Variants in HMGCLL1 observed in about 807,000 individuals in gnomAD.
HMGCLL1 encodes 3-hydroxymethyl-3-methylglutaryl-CoA lyase, cytoplasmic.
In HMGCLL1, 36 loss-of-function variants were observed where a neutral mutation model predicts 39.1. The observed-to-expected ratio is 0.92, with a 90% CI of 0.71 to 1.22. The LOEUF (loss-of-function observed/expected upper bound fraction) is 1.22, where lower values mean the gene tolerates loss of function less well. HMGCLL1 is among the 50% of genes most tolerant of loss of function. The pLI is 0.00. For synonymous variants in HMGCLL1, 149 were observed against 144.0 expected, an observed-to-expected ratio of 1.03 and a Z score of -0.25; for missense variants, 451 against 416.5, an observed-to-expected ratio of 1.08 and a Z score of -0.72.
chr6:55,624,858 C>T, the HMGCLL1 span, among the ~76,000 whole-genome samples: 4 of 152,112 alleles, frequency 2.6e-5, no homozygotes, highest in Non-Finnish European at 5.9e-5. Flanking sequence ...ATCTTGAAGG[C>T]AACACCTTCC....
At chr6:55,446,537 G>A (rs1763847726) in intron 7 of HMGCLL1, among the ~76,000 whole-genome samples, 1 of 151,768 alleles carries the variant, frequency 6.6e-6, no homozygotes, top group Non-Finnish European at 1.5e-5. Flanking sequence ...TAAAATGTTA[G>A]TGGCAACTTT....
the HMGCLL1 span, among the ~76,000 whole-genome samples, chr6:55,646,038 T>G: frequency 1.3e-3 from 205 of 152,076 alleles, no homozygotes; most frequent in African/African-American, 4.5e-3. Context: ...TTTTCTTTAC[T>G]GGAAGATTTT....
chr6:55,437,689 T>C (rs1168959493), intron 8 of HMGCLL1, among the ~76,000 whole-genome samples: 1 of 152,036 alleles, frequency 6.6e-6, no homozygotes, highest in Non-Finnish European at 1.5e-5. Context: ...CACTGATCCT[T>C]GCTCAAGCAG....
chr6:55,454,933 T>C (rs1170716833), intron 7 of HMGCLL1, among the ~76,000 whole-genome samples: 1 of 152,114 alleles, frequency 6.6e-6, no homozygotes, highest in East Asian at 1.9e-4. Context: ...TAAAATATTA[T>C]GTATGCTATT....
intron 1 of HMGCLL1, among the ~76,000 whole-genome samples, chr6:55,551,629 C>T (rs948887313): frequency 4.6e-5 from 7 of 151,920 alleles, no homozygotes; most frequent in African/African-American, 1.7e-4. Flanking sequence ...GTAAAAGATA[C>T]AGGGGTGATG....
At position 55,435,581 on chromosome 6, in the gene HMGCLL1, G is replaced by A. The variant is rs981951289; in HGVS notation, c.*81C>T. ...CTTGTCCATTACTTCACATATCAGAGCAAGTTGGCATTAATGATTTTCAGA... is the reference window on the plus strand; with the variant it reads ...CTTGTCCATTACTTCACATATCAGAACAAGTTGGCATTAATGATTTTCAGA... On this transcript the variant is annotated 3_prime_UTR_variant, in exon 9 of 9. Transcript: ENST00000274901. The A allele has an allele frequency of 1.0e-5, 7 of 681,830 alleles. No homozygotes were observed. The highest frequency in any genetic ancestry group is 9.3e-5 in the African/African-American group (5 of 54,026). 42.2% of individuals were successfully genotyped at this position (681,830 alleles called of 1,614,324 possible).
intron 3 of HMGCLL1, among the ~76,000 whole-genome samples, chr6:55,529,460 A>G (rs1305273595): frequency 6.6e-6 from 1 of 151,644 alleles, no homozygotes; most frequent in Non-Finnish European, 1.5e-5. Context: ...ACTCACTGGT[A>G]ATAAGACACT....
chr6:55,578,927 C>A (rs764471213), intron 1 of HMGCLL1, 21 bp downstream of exon 1: 12 of 1,586,692 alleles, frequency 7.6e-6, no homozygotes, highest in Non-Finnish European at 1.0e-5. Context: ...GGTGGGGACA[C>A]CCTGGGCCGC....
At chr6:55,488,874 T>G (rs1350244866) in intron 7 of HMGCLL1, among the ~76,000 whole-genome samples, 1 of 152,124 alleles carries the variant, frequency 6.6e-6, no homozygotes, top group Non-Finnish European at 1.5e-5. Flanking sequence ...TGGCAATATA[T>G]GAGAAAGCTG....
chr6:55,458,688 A>T (rs1216599947), intron 7 of HMGCLL1, among the ~76,000 whole-genome samples: 1 of 152,228 alleles, frequency 6.6e-6, no homozygotes, highest in East Asian at 1.9e-4. Context: ...TCTTATGAAT[A>T]AGTATTTACT....
At chr6:55,562,744 C>T (rs1771010804) in intron 1 of HMGCLL1, among the ~76,000 whole-genome samples, 1 of 152,090 alleles carries the variant, frequency 6.6e-6, no homozygotes, top group African/African-American at 2.4e-5. Context: ...AACTACAAGG[C>T]TGATGAAACA....
At chr6:55,670,650 A>T in the HMGCLL1 span, among the ~76,000 whole-genome samples, 1 of 151,766 alleles carries the variant, frequency 6.6e-6, no homozygotes, top group African/African-American at 2.4e-5. Flanking sequence ...GACTGTTAAT[A>T]GTTTAGTATG....
At chr6:55,650,118 TATATATATATATATATAC>T in the HMGCLL1 span, among the ~76,000 whole-genome samples, 16 of 81,302 alleles carry the variant, frequency 2.0e-4, 1 homozygote, top group East Asian at 1.5e-3. Context: ...TATATATATA[TATATATATATATATATAC>T]ACACACACAC....
the HMGCLL1 span, among the ~76,000 whole-genome samples, chr6:55,673,055 A>G: frequency 6.6e-6 from 1 of 152,006 alleles, no homozygotes; most frequent in Non-Finnish European, 1.5e-5. Context: ...CCCTTAGCAG[A>G]GGCCTTCAGC....
At chr6:55,547,797 A>G (rs1445821523) in intron 1 of HMGCLL1, among the ~76,000 whole-genome samples, 1 of 151,872 alleles carries the variant, frequency 6.6e-6, no homozygotes, top group Admixed American at 6.6e-5. Context: ...GTAATGTTAA[A>G]CTCTCCACAT....
At chr6:55,516,745 G>A (rs576137773) in intron 3 of HMGCLL1, 142 bp from the exon 4 acceptor site, 17 of 488,628 alleles carry the variant, frequency 3.5e-5, no homozygotes, top group Non-Finnish European at 5.5e-5. Flanking sequence ...GCCAGTGAAT[G>A]TAAAGGAAAG....
the HMGCLL1 span, among the ~76,000 whole-genome samples, chr6:55,627,661 C>T: frequency 6.7e-6 from 1 of 149,964 alleles, no homozygotes; most frequent in Non-Finnish European, 1.5e-5. Flanking sequence ...ATCTAATCAG[C>T]CTCCAGGGAA....
At chr6:55,493,359 G>C (rs1273606649) in intron 7 of HMGCLL1, among the ~76,000 whole-genome samples, 1 of 152,224 alleles carries the variant, frequency 6.6e-6, no homozygotes, top group East Asian at 1.9e-4. Context: ...CTGGGGGTGT[G>C]GTCTTTTGGG....
intron 1 of HMGCLL1, among the ~76,000 whole-genome samples, chr6:55,565,625 C>A (rs951346796): frequency 2.6e-5 from 4 of 152,070 alleles, no homozygotes; most frequent in Non-Finnish European, 4.4e-5. Context: ...TGTACAAATT[C>A]TTCAAAGAGC....
Sources: allele counts gnomAD v4.1 joint callset (sites outside exome capture counted in the v4.1 genomes callset), GRCh38; gene constraint gnomAD v4.1.1; transcripts MANE v1.5; gene names NCBI Gene and HGNC (gene_info 2026-07-23, HGNC 2026-07-21).